Variants in LAP3 observed in about 807,000 individuals in gnomAD.
LAP3 encodes the protein leucine aminopeptidase 3.
LAP3 carries 46 observed loss-of-function variants against 58.8 expected under a neutral mutation model. The observed-to-expected ratio is 0.78, with a 90% confidence interval of 0.62 to 1.00. The LOEUF is 1.00. Among genes scored for constraint, LAP3 ranks in the 50% least tolerant of loss-of-function variants. The pLI is 0.00. For synonymous variants in LAP3, 257 were observed against 237.7 expected (o/e 1.08, Z -0.75); for missense variants, 615 against 659.1 (o/e 0.93, Z 0.73).
chr4:17,590,233 G>T (rs949440252), intron 7 of LAP3, among the ~76,000 whole-genome samples: 2 of 152,210 alleles, frequency 1.3e-5, no homozygotes, highest in Non-Finnish European at 2.9e-5. Context: ...TGGGAATCAT[G>T]TTACCTGGAA....
At chr4:17,582,518 T>G (rs983822441) in intron 4 of LAP3, 125 bp downstream of exon 4, 1 of 700,622 alleles carries the variant, frequency 1.4e-6, no homozygotes, top group East Asian at 2.8e-5. Flanking sequence ...TAATTCATCT[T>G]AACAAAAATT....
At chr4:17,582,607 T>C in intron 4 of LAP3, 1 of 474,512 alleles carries the variant, frequency 2.1e-6, no homozygotes, top group Non-Finnish European at 3.8e-6. Context: ...TTAATATATC[T>C]ATATCTCATT....
chr4:17,577,605 GC>G (rs762284412), intron 1 of LAP3, 38 bp downstream of exon 1: 12 of 1,485,382 alleles, frequency 8.1e-6, no homozygotes, highest in Non-Finnish European at 7.3e-6. Flanking sequence ...CGCCGCTGGG[GC>G]CCTGCCCGTG....
intron 7 of LAP3, among the ~76,000 whole-genome samples, chr4:17,593,760 G>A (rs1023048488): frequency 2.6e-5 from 4 of 151,626 alleles, no homozygotes; most frequent in African/African-American, 9.7e-5. Flanking sequence ...CTACAGATGC[G>A]AACCACTATG....
At chr4:17,600,604 GAGA>G (rs1488502042) in intron 10 of LAP3, among the ~76,000 whole-genome samples, 2 of 152,186 alleles carry the variant, frequency 1.3e-5, no homozygotes, top group African/African-American at 4.8e-5. Flanking sequence ...CTGAGGGGTT[GAGA>G]AGGTGGGAAA....
chr4:17,580,185 T>TATATATATATATATATATATATATATA, intron 2 of LAP3, among the ~76,000 whole-genome samples: 12 of 32,038 alleles, frequency 3.7e-4, no homozygotes, highest in East Asian at 2.9e-3. Flanking sequence ...TATATATGTA[T>TATATATATATATATATATATATATATA]TTTTTTTTTT....
chr4:17,580,185 T>TATATATATATATATATATA, intron 2 of LAP3, among the ~76,000 whole-genome samples: 3 of 32,010 alleles, frequency 9.4e-5, no homozygotes, highest in Non-Finnish European at 1.6e-4. Flanking sequence ...TATATATGTA[T>TATATATATATATATATATA]TTTTTTTTTT....
intron 3 of LAP3, 178 bp downstream of exon 3, chr4:17,581,992 A>G (rs1388584576): frequency 1.6e-6 from 1 of 615,366 alleles, no homozygotes; most frequent in Non-Finnish European, 2.9e-6. Context: ...TGCCTATCTT[A>G]TATTCCTCAA....
chr4:17,585,631 C>T, intron 6 of LAP3: 1 of 153,830 alleles, frequency 6.5e-6, no homozygotes. Context: ...GCTGTGTTGC[C>T]CAGGCTGGTC....
At position 17,577,406 on chromosome 4, in the gene LAP3, G is replaced by C; in HGVS notation, c.-60G>C. The C allele has an allele frequency of 1.5e-6, 2 of 1,338,820 alleles. No homozygotes were observed. Among genetic ancestry groups the C allele is most frequent in the South Asian group, 2.9e-5 (2 of 68,718 alleles). 82.9% of individuals were successfully genotyped at this position (1,338,820 alleles called of 1,614,324 possible). A position where few individuals can be genotyped will look rare whatever the true frequency, so the allele number is the denominator to read the frequency against. On this transcript the variant is annotated 5_prime_UTR_variant, in exon 1 of 13. Coordinates refer to ENST00000226299, the MANE Select transcript of LAP3 (RefSeq NM_015907.3). The stretch of plus-strand genomic sequence containing the variant: ...CCCCGAAAGCCCCGCCCCAAGGCGC[G>C]CCCGCCCACCGCTCTCCACGTGCTC...
intron 9 of LAP3, among the ~76,000 whole-genome samples, chr4:17,597,357 C>T (rs1379704083): frequency 6.6e-6 from 1 of 152,196 alleles, no homozygotes; most frequent in Non-Finnish European, 1.5e-5. Flanking sequence ...CTCACTGCAG[C>T]CTTGACCTCC....
At chr4:17,580,184 A>ATGTAT (rs548745392) in intron 2 of LAP3, among the ~76,000 whole-genome samples, 2 of 40,234 alleles carry the variant, frequency 5.0e-5, no homozygotes, top group South Asian at 1.3e-3. Context: ...ATATATATGT[A>ATGTAT]TTTTTTTTTT....
chr4:17,602,773 C>T lies in LAP3; in HGVS notation c.1181-1815C>T, dbSNP rs373833523. ...GATCTCAGCTCACTGCAGCCTCTGC[C>T]TCCTGGGTTCAAGCCATTCTCCTGC... On this transcript the variant is annotated intron_variant, in intron 10 of 12. Transcript: ENST00000226299. 5.9e-5 allele frequency among the ~76,000 whole-genome samples: 9 copies of T among 152,108 alleles called. No homozygotes were observed. The South Asian group carries it at 1.9e-3, about 32-fold the overall frequency.
At chr4:17,589,368 A>G (rs887821202) in intron 7 of LAP3, among the ~76,000 whole-genome samples, 1 of 151,796 alleles carries the variant, frequency 6.6e-6, no homozygotes, top group Non-Finnish European at 1.5e-5. Flanking sequence ...GCCGGTTTAT[A>G]GTTTGATACA....
At chr4:17,581,891 A>G (rs1440553234) in intron 3 of LAP3, 77 bp downstream of exon 3, 18 of 1,099,808 alleles carry the variant, frequency 1.6e-5, no homozygotes, top group Non-Finnish European at 2.4e-5. Flanking sequence ...CTGTCTAGTC[A>G]TACTAAACAT....
At chr4:17,601,224 C>T (rs1335521937) in intron 10 of LAP3, among the ~76,000 whole-genome samples, 4 of 152,158 alleles carry the variant, frequency 2.6e-5, no homozygotes, top group South Asian at 2.1e-4. Flanking sequence ...GGGCTCCAAA[C>T]GTGCCTTGTA....
intron 3 of LAP3, 105 bp downstream of exon 3, chr4:17,581,919 G>T: frequency 1.1e-6 from 1 of 944,934 alleles, no homozygotes; most frequent in East Asian, 2.4e-5. Context: ...TGGATTGTAT[G>T]ATTTTATTCC....
In LAP3 at chr4:17,578,498, G is replaced by C. The variant is rs567877671; in HGVS notation, c.102+931G>C. ...AAGTGTCTGTGTGGTTTTGTGGAAA[G>C]ATCAACTGCTGGGCGGGAAGACATC... On this transcript the variant is annotated intron_variant, in intron 1 of 12. Transcript: ENST00000226299. 8.6e-5 allele frequency among the ~76,000 whole-genome samples: 13 copies of C among 151,982 alleles called. No individual in the cohort carries two copies. The South Asian group carries it at 2.5e-3, about 29-fold the overall frequency.
In LAP3 at chr4:17,581,744, T is replaced by G; in HGVS notation, c.219-16T>G. On this transcript the variant is annotated splice_polypyrimidine_tract_variant and intron_variant, in intron 2 of 12. Transcript: ENST00000226299. Reference sequence around the variant, plus strand: ...CAAAATACTTGTTTTAAAACGACTATTTCCTCTTGTTTTAGATCTGGACCA... The same window carrying G: ...CAAAATACTTGTTTTAAAACGACTAGTTCCTCTTGTTTTAGATCTGGACCA... The G allele has an allele frequency of 6.2e-7, 1 of 1,610,800 alleles. No individual in the cohort carries two copies. Among genetic ancestry groups the G allele is most frequent in the Non-Finnish European group, 8.5e-7 (1 of 1,177,390 alleles).
Sources: gnomAD v4.1 joint callset for allele counts (sites outside exome capture counted in the v4.1 genomes callset) on GRCh38, gnomAD v4.1.1 for gene constraint, MANE v1.5 for transcripts, NCBI Gene and HGNC (gene_info 2026-07-23, HGNC 2026-07-21) for gene names.